The following PTPN4 variants were observed in gnomAD, a reference collection of about 807,000 sequenced individuals.
PTPN4 encodes tyrosine-protein phosphatase non-receptor type 4.
PTPN4 carries 49 observed loss-of-function variants against 135.5 expected under a neutral mutation model. The ratio of observed to expected loss-of-function variants is 0.36; its 90% CI spans 0.29 to 0.46. The LOEUF (loss-of-function observed/expected upper bound fraction) is 0.46. PTPN4 is among the 20% of genes least tolerant of loss of function. PTPN4 has a pLI of 1.00. For missense variants in PTPN4, 860 were observed against 1,101.0 expected, an observed-to-expected ratio of 0.78 and a Z score of 3.10; for synonymous variants, 333 against 369.9, an observed-to-expected ratio of 0.90 and a Z score of 1.14.
intron 1 of PTPN4, among the ~76,000 whole-genome samples, chr2:119,781,579 T>A (rs1690940915): frequency 6.6e-6 from 1 of 152,264 alleles, no homozygotes; most frequent in Non-Finnish European, 1.5e-5. Flanking sequence ...TGTATTCTGC[T>A]GTGGTTAGCA....
intron 13 of PTPN4, 93 bp from the exon 14 acceptor site, chr2:119,932,331 A>G: frequency 7.8e-7 from 1 of 1,274,608 alleles, no homozygotes; most frequent in Non-Finnish European, 1.1e-6. Context: ...GCTCATCTAG[A>G]ACATAATCTC....
intron 26 of PTPN4, among the ~76,000 whole-genome samples, chr2:119,975,279 A>G (rs1679598298): frequency 6.6e-6 from 1 of 150,700 alleles, no homozygotes; most frequent in African/African-American, 2.4e-5. Context: ...CACCCACCCA[A>G]TTTTTTTTTC....
At chr2:119,882,267 A>G in intron 7 of PTPN4, 118 bp downstream of exon 7, 1 of 1,129,830 alleles carries the variant, frequency 8.9e-7, no homozygotes, top group East Asian at 2.4e-5. Flanking sequence ...TAGTGACTGC[A>G]GTGGAAATGT....
Position 119,765,150 on chromosome 2 carries a change from T to A in PTPN4, c.-18+4766T>A, listed in dbSNP as rs116751468. Among the ~76,000 whole-genome samples, 492 of 152,344 alleles carry A rather than the reference T, an allele frequency of 3.2e-3. 2 individuals carry two copies. The highest frequency in any genetic ancestry group is 0.011 in the African/African-American group (465 of 41,578). On this transcript the variant is annotated intron_variant, in intron 1 of 26. Transcript: ENST00000263708. ...GGATTAAGATACTATATGTAAGGCA[T>A]CTAGCGCTGTGCTTTAAATACAAGA...
chr2:119,949,265 A>G (rs543079680), intron 18 of PTPN4, among the ~76,000 whole-genome samples: 2 of 152,362 alleles, frequency 1.3e-5, no homozygotes, highest in South Asian at 2.1e-4. Flanking sequence ...AAAAATTAAA[A>G]CAATAGGAAT....
At chr2:119,888,874 C>T (rs1463413855) in intron 9 of PTPN4, among the ~76,000 whole-genome samples, 1 of 152,078 alleles carries the variant, frequency 6.6e-6, no homozygotes, top group Admixed American at 6.5e-5. Context: ...ATTCCCTCCT[C>T]TTCAGTTTTT....
intron 18 of PTPN4, among the ~76,000 whole-genome samples, chr2:119,949,015 C>T (rs577049073): frequency 1.6e-4 from 25 of 152,018 alleles, no homozygotes; most frequent in African/African-American, 5.3e-4. Flanking sequence ...ATGACTCACA[C>T]GCATAAAAAA....
intron 1 of PTPN4, among the ~76,000 whole-genome samples, chr2:119,795,391 G>A (rs1412918493): frequency 6.6e-6 from 1 of 152,240 alleles, no homozygotes; most frequent in Non-Finnish European, 1.5e-5. Flanking sequence ...GTGCCAAGGG[G>A]CGCCTGCAGG....
intron 18 of PTPN4, 118 bp downstream of exon 18, chr2:119,946,692 C>A: frequency 1.2e-6 from 1 of 825,614 alleles, no homozygotes; most frequent in South Asian, 1.9e-5. Flanking sequence ...TATCAAGTGT[C>A]AAATGTTGGC....
intron 25 of PTPN4, among the ~76,000 whole-genome samples, chr2:119,966,406 A>G (rs908258193): frequency 4.6e-5 from 7 of 152,096 alleles, no homozygotes; most frequent in Admixed American, 2.6e-4. Flanking sequence ...GTACAGGTGT[A>G]CCACCAAGCC....
chr2:119,876,754 T>A (rs562745338), intron 3 of PTPN4, among the ~76,000 whole-genome samples: 3 of 152,156 alleles, frequency 2.0e-5, no homozygotes, highest in Non-Finnish European at 4.4e-5. Flanking sequence ...CTAAACATTA[T>A]ATCTTTAAAA....
intron 22 of PTPN4, 61 bp from the exon 23 acceptor site, chr2:119,960,746 A>C: frequency 6.5e-7 from 1 of 1,537,670 alleles, no homozygotes; most frequent in Non-Finnish European, 8.8e-7. Context: ...TGATTTTCCT[A>C]TTCCTGATTA....
intron 1 of PTPN4, among the ~76,000 whole-genome samples, chr2:119,768,288 G>A (rs1690670848): frequency 6.6e-6 from 1 of 152,048 alleles, no homozygotes. Flanking sequence ...AGATGTTCCA[G>A]ATGATCTTAA....
intron 13 of PTPN4, among the ~76,000 whole-genome samples, chr2:119,931,383 G>A (rs1400234055): frequency 7.0e-6 from 1 of 143,164 alleles, no homozygotes; most frequent in African/African-American, 2.6e-5. Flanking sequence ...GCATAGATCA[G>A]TATCTTTTGA....
At chr2:119,779,387 G>T (rs1394800845) in intron 1 of PTPN4, among the ~76,000 whole-genome samples, 1 of 152,174 alleles carries the variant, frequency 6.6e-6, no homozygotes, top group African/African-American at 2.4e-5. Flanking sequence ...GGAGCCCGAG[G>T]CAGGCGTATC....
At chr2:119,801,758 C>T (rs1020242673) in intron 1 of PTPN4, among the ~76,000 whole-genome samples, 5 of 152,076 alleles carry the variant, frequency 3.3e-5, no homozygotes, top group Admixed American at 6.6e-5. Context: ...TGGGTGACCT[C>T]GCTGAACTTA....
At chr2:119,761,433 C>G (rs1409721035) in intron 1 of PTPN4, among the ~76,000 whole-genome samples, 2 of 152,096 alleles carry the variant, frequency 1.3e-5, no homozygotes, top group African/African-American at 2.4e-5. Context: ...TGGAATAGAG[C>G]TAGGTATATC....
chr2:119,944,867 T>C (rs1200021624), intron 15 of PTPN4, among the ~76,000 whole-genome samples: 4 of 152,054 alleles, frequency 2.6e-5, no homozygotes, highest in African/African-American at 9.7e-5. Context: ...ACCTTGATAA[T>C]ATATTTTATT....
chr2:119,900,758 G>A lies in PTPN4; in HGVS notation c.716G>A (p.Gly239Glu). Residue 239 changes from glycine (G) to glutamate (E), a missense_variant, in exon 10 of 27, where the codon GGA becomes GAA. Around this residue, in one of 2 missense-constraint regions of PTPN4, gnomAD observed 684 missense variants for 807.0 expected, o/e 0.85. Coordinates refer to ENST00000263708, the MANE Select transcript of PTPN4 (RefSeq NM_002830.4). ...GAAATTATGATTGGAGTGATGTCAG[G>A]AGGAATTCTGATTTATAAGAACAGG... The part of the protein sequence containing the change: ...NNEIMIGVMS[G>E]GILIYKNRVR... 6.3e-7 allele frequency: 1 copy of A among 1,588,056 alleles called. No homozygotes were observed. The highest frequency in any genetic ancestry group is 8.6e-7 in the Non-Finnish European group (1 of 1,166,896).
Sources: allele counts gnomAD v4.1 joint callset (sites outside exome capture counted in the v4.1 genomes callset), GRCh38; gene constraint gnomAD v4.1.1; regional missense constraint gnomAD v4.1.1; transcripts MANE v1.5; gene names NCBI Gene and HGNC (gene_info 2026-07-23, HGNC 2026-07-21).